The following JARID2 variants were observed in gnomAD, a reference collection of about 807,000 sequenced individuals.
The protein encoded by JARID2 is protein Jumonji.
In JARID2, 21 loss-of-function variants were observed where a neutral mutation model predicts 125.6. That is an observed-to-expected ratio of 0.17 (90% CI 0.12 to 0.24). The LOEUF (loss-of-function observed/expected upper bound fraction) is 0.24. JARID2 is among the 10% of genes least tolerant of loss of function. The pLI is 1.00. For synonymous variants in JARID2, 736 were observed against 661.6 expected (o/e 1.11, Z -1.73); for missense variants, 1,303 against 1,639.6 (o/e 0.79, Z 3.55).
intron 1 of JARID2, among the ~76,000 whole-genome samples, chr6:15,302,761 G>A (rs189129485): frequency 9.4e-4 from 143 of 152,210 alleles, no homozygotes; most frequent in Admixed American, 1.4e-3. Context: ...TTGAGATGGA[G>A]TCTTGCTATG....
chr6:15,365,799 G>A (rs1763954493), intron 1 of JARID2, among the ~76,000 whole-genome samples: 1 of 152,076 alleles, frequency 6.6e-6, no homozygotes, highest in Non-Finnish European at 1.5e-5. Context: ...CCCTAGGCAA[G>A]GGAACATCAT....
At chr6:15,259,954 C>T (rs1474277620) in intron 1 of JARID2, among the ~76,000 whole-genome samples, 3 of 152,146 alleles carry the variant, frequency 2.0e-5, no homozygotes, top group Admixed American at 6.5e-5. Context: ...TCATTCATCT[C>T]AATGCAGCAG....
chr6:15,393,387 C>T (rs1432788351), intron 2 of JARID2, among the ~76,000 whole-genome samples: 1 of 152,216 alleles, frequency 6.6e-6, no homozygotes, highest in Non-Finnish European at 1.5e-5. Context: ...TTTCCCTTAG[C>T]TCCACGTAAA....
intron 1 of JARID2, among the ~76,000 whole-genome samples, chr6:15,366,404 G>A (rs1763975208): frequency 6.6e-6 from 1 of 150,842 alleles, no homozygotes; most frequent in African/African-American, 2.4e-5. Flanking sequence ...TTGCATGTTG[G>A]TCCTTTGGGC....
At chr6:15,473,588 G>A (rs1447414763) in intron 5 of JARID2, among the ~76,000 whole-genome samples, 2 of 148,530 alleles carry the variant, frequency 1.3e-5, no homozygotes, top group Non-Finnish European at 3.0e-5. Flanking sequence ...AGAGGGGGGT[G>A]GTGTGATCGT....
At chr6:15,292,375 G>A (rs1254492845) in intron 1 of JARID2, among the ~76,000 whole-genome samples, 2 of 151,952 alleles carry the variant, frequency 1.3e-5, no homozygotes, top group Non-Finnish European at 2.9e-5. Flanking sequence ...AATTTTAACA[G>A]GTATGTAATT....
At chr6:15,268,821 C>T (rs1760188791) in intron 1 of JARID2, among the ~76,000 whole-genome samples, 1 of 152,208 alleles carries the variant, frequency 6.6e-6, no homozygotes, top group Admixed American at 6.5e-5. Context: ...CAGCATCTCT[C>T]ATTTAAAAGC....
chr6:15,345,480 A>C (rs1444897353), intron 1 of JARID2, among the ~76,000 whole-genome samples: 2 of 152,230 alleles, frequency 1.3e-5, no homozygotes, highest in Non-Finnish European at 2.9e-5. Flanking sequence ...CTGTATTCCC[A>C]TCCTTTCCTG....
intron 5 of JARID2, among the ~76,000 whole-genome samples, chr6:15,472,356 T>C (rs1769117899): frequency 6.6e-6 from 1 of 152,196 alleles, no homozygotes; most frequent in African/African-American, 2.4e-5. Flanking sequence ...CTGAGCTTAG[T>C]AAGGGGACTA....
intron 5 of JARID2, among the ~76,000 whole-genome samples, chr6:15,482,071 G>GT (rs1008150590): frequency 1.1e-4 from 16 of 152,122 alleles, no homozygotes; most frequent in African/African-American, 3.4e-4. Context: ...TGAAGGATCT[G>GT]TTTTTTTCAG....
chr6:15,278,787 G>A (rs1323413289), intron 1 of JARID2, among the ~76,000 whole-genome samples: 1 of 151,642 alleles, frequency 6.6e-6, no homozygotes, highest in Non-Finnish European at 1.5e-5. Context: ...TGTCCAGCCG[G>A]GCTGGGCATG....
At chr6:15,361,949 G>A (rs1763811314) in intron 1 of JARID2, among the ~76,000 whole-genome samples, 1 of 144,278 alleles carries the variant, frequency 6.9e-6, no homozygotes. Flanking sequence ...AGGCTGGAGT[G>A]CAGTGGTGTG....
At chr6:15,340,761 G>A (rs1763041258) in intron 1 of JARID2, among the ~76,000 whole-genome samples, 3 of 152,160 alleles carry the variant, frequency 2.0e-5, no homozygotes, top group Admixed American at 1.3e-4. Flanking sequence ...GGTCAGAAAT[G>A]TGTCTCGTTC....
At chr6:15,278,698 C>A (rs1454101320) in intron 1 of JARID2, among the ~76,000 whole-genome samples, 1 of 152,198 alleles carries the variant, frequency 6.6e-6, no homozygotes, top group African/African-American at 2.4e-5. Context: ...GGGGGACATG[C>A]TCCCCCATCC....
chr6:15,279,756 C>T (rs757546316), intron 1 of JARID2, among the ~76,000 whole-genome samples: 10 of 152,164 alleles, frequency 6.6e-5, no homozygotes, highest in Non-Finnish European at 1.3e-4. Context: ...CTTTGAAAAA[C>T]AGTTACTTTC....
intron 3 of JARID2, among the ~76,000 whole-genome samples, chr6:15,416,768 G>C (rs1010216999): frequency 6.6e-6 from 1 of 151,832 alleles, no homozygotes; most frequent in Non-Finnish European, 1.5e-5. Flanking sequence ...GTTTAGAATG[G>C]AACCATTACA....
rs745772893 is a variant in JARID2 at position 15,501,277 on chromosome 6, C to G, written c.2316C>G (p.Ser772Arg). Reference sequence around the variant, plus strand: ...TGGCCCCCAGGAACGGCTTCCGCAGCAAGCTCAAGGAGGTGGGCCAGGCCC... The same window carrying G: ...TGGCCCCCAGGAACGGCTTCCGCAGGAAGCTCAAGGAGGTGGGCCAGGCCC... ...HGVAPRNGFRSKLKEVGQAQL... is the reference protein window; with the variant it reads ...HGVAPRNGFRRKLKEVGQAQL... The change falls in exon 8 of 18, where the codon AGC (serine) becomes AGG (arginine). Residue 772 changes from serine to arginine, a missense_variant. Coordinates refer to ENST00000341776, the MANE Select transcript of JARID2 (RefSeq NM_004973.4). The G allele has an allele frequency of 1.2e-6, 2 of 1,613,614 alleles. No individual in the cohort carries two copies. The highest frequency in any genetic ancestry group is 1.7e-6 in the Non-Finnish European group (2 of 1,179,778).
chr6:15,421,880 A>G lies in JARID2; in HGVS notation c.323+11515A>G, dbSNP rs552967151. On this transcript the variant is annotated intron_variant, in intron 3 of 17. Transcript: ENST00000341776. ...GAACTGGGGTCTGGCCTGGTCCACA[A>G]CTGTGCTGAGGGGCACCTCTTGCTG... Among the ~76,000 whole-genome samples, 37 of 152,266 alleles carry G rather than the reference A, an allele frequency of 2.4e-4. 1 individual carries two copies. In the South Asian group the frequency reaches 3.7e-3, roughly 15 times the overall value.
chr6:15,384,149 A>G (rs1378068602), intron 2 of JARID2, among the ~76,000 whole-genome samples: 1 of 151,964 alleles, frequency 6.6e-6, no homozygotes, highest in African/African-American at 2.4e-5. Context: ...GCCAGGCCCA[A>G]GTGCACTGGG....
Sources: allele counts gnomAD v4.1 joint callset (sites outside exome capture counted in the v4.1 genomes callset), GRCh38; gene constraint gnomAD v4.1.1; transcripts MANE v1.5; gene names NCBI Gene and HGNC (gene_info 2026-07-23, HGNC 2026-07-21).